SLC25A26: variants seen among roughly 807,000 people sequenced by gnomAD.
The protein encoded by SLC25A26 is mitochondrial S-adenosylmethionine carrier protein.
In SLC25A26, 36 loss-of-function variants were observed where a neutral mutation model predicts 37.8. The observed-to-expected ratio is 0.95, with a 90% CI of 0.73 to 1.26. SLC25A26 has a LOEUF of 1.26. Ranked by LOEUF, SLC25A26 falls within the 50% of genes most tolerant of loss-of-function variation. The probability of loss-of-function intolerance (pLI) is 0.00; values close to 1 mark genes in which losing one functional copy is unlikely to be tolerated. For synonymous variants in SLC25A26, 129 were observed against 122.5 expected (o/e 1.05, Z -0.35); for missense variants, 390 against 331.1 (o/e 1.18, Z -1.38).
intron 1 of SLC25A26, among the ~76,000 whole-genome samples, chr3:66,137,818 A>T (rs923180917): frequency 6.6e-6 from 1 of 152,070 alleles, no homozygotes; most frequent in African/African-American, 2.4e-5. Context: ...TAGTATAGTC[A>T]CATGAACATT....
chr3:66,229,779 A>G (rs1189826534), intron 1 of SLC25A26, among the ~76,000 whole-genome samples: 1 of 152,190 alleles, frequency 6.6e-6, no homozygotes, highest in East Asian at 1.9e-4. Flanking sequence ...GCAATACTTA[A>G]TTTGAAAGAA....
chr3:66,295,391 T>G (rs533534878), intron 5 of SLC25A26, among the ~76,000 whole-genome samples: 2 of 150,472 alleles, frequency 1.3e-5, no homozygotes, highest in Non-Finnish European at 3.0e-5. Flanking sequence ...ACCTGTCTAA[T>G]TTTTTGTATT....
At chr3:66,157,593 C>T (rs1264912776) in intron 1 of SLC25A26, among the ~76,000 whole-genome samples, 1 of 152,212 alleles carries the variant, frequency 6.6e-6, no homozygotes, top group Admixed American at 6.5e-5. Flanking sequence ...CAAATCTAGA[C>T]ATTTCAGCTC....
intron 5 of SLC25A26, among the ~76,000 whole-genome samples, chr3:66,316,865 T>G (rs2107624865): frequency 6.6e-6 from 1 of 152,344 alleles, no homozygotes; most frequent in Admixed American, 6.5e-5. Context: ...ATTCAAGTTC[T>G]GATATCTTCT....
chr3:66,206,581 G>A (rs1181617904), intron 1 of SLC25A26, among the ~76,000 whole-genome samples: 1 of 152,116 alleles, frequency 6.6e-6, no homozygotes, highest in Non-Finnish European at 1.5e-5. Context: ...CTCTTTTGAA[G>A]GGTAGGTATT....
chr3:66,338,066 G>A (rs1222960165), intron 5 of SLC25A26, among the ~76,000 whole-genome samples: 1 of 151,848 alleles, frequency 6.6e-6, no homozygotes, highest in Non-Finnish European at 1.5e-5. Context: ...GGTTATTTTT[G>A]CCTTTTCTGG....
At chr3:66,152,491 C>T (rs1576598456) in intron 1 of SLC25A26, among the ~76,000 whole-genome samples, 1 of 152,180 alleles carries the variant, frequency 6.6e-6, no homozygotes, top group Non-Finnish European at 1.5e-5. Flanking sequence ...CTCTGTGATT[C>T]TCTTGGTGCT....
At chr3:66,154,695 C>T (rs1207813327) in intron 1 of SLC25A26, among the ~76,000 whole-genome samples, 1 of 151,998 alleles carries the variant, frequency 6.6e-6, no homozygotes. Context: ...GTTGCCCAGG[C>T]TCATCTCAAA....
chr3:66,257,760 TC>T (rs778549977), intron 3 of SLC25A26, among the ~76,000 whole-genome samples: 11 of 152,102 alleles, frequency 7.2e-5, no homozygotes, highest in Non-Finnish European at 1.2e-4. Context: ...TCTGAATCCA[TC>T]TCCTAACACC....
chr3:66,168,832 G>T (rs914603454), intron 1 of SLC25A26, among the ~76,000 whole-genome samples: 2 of 152,138 alleles, frequency 1.3e-5, no homozygotes, highest in South Asian at 4.1e-4. Context: ...TTTGATAATT[G>T]AAAAAATGGC....
At chr3:66,354,444 T>C (rs1294416354) in intron 6 of SLC25A26, among the ~76,000 whole-genome samples, 1 of 152,210 alleles carries the variant, frequency 6.6e-6, no homozygotes, top group African/African-American at 2.4e-5. Context: ...TTCACTTATA[T>C]CAATAGTTCA....
intron 1 of SLC25A26, among the ~76,000 whole-genome samples, chr3:66,175,633 G>A (rs2070574168): frequency 6.6e-6 from 1 of 152,226 alleles, no homozygotes; most frequent in Non-Finnish European, 1.5e-5. Context: ...AATGTTGTAA[G>A]TTGTAGTCTG....
intron 9 of SLC25A26, chr3:66,371,088 A>G (rs1277359038): frequency 4.3e-6 from 6 of 1,381,652 alleles, no homozygotes; most frequent in Non-Finnish European, 5.6e-6. Context: ...TTCTAGCTTC[A>G]TGTCCTAAAA....
intron 1 of SLC25A26, among the ~76,000 whole-genome samples, chr3:66,199,113 C>A (rs1292547123): frequency 6.6e-6 from 1 of 151,958 alleles, no homozygotes; most frequent in Non-Finnish European, 1.5e-5. Flanking sequence ...GTCACCCTGA[C>A]ACTGTCTCTC....
intron 1 of SLC25A26, among the ~76,000 whole-genome samples, chr3:66,141,484 T>C (rs1046677623): frequency 7.9e-5 from 12 of 151,604 alleles, no homozygotes; most frequent in African/African-American, 2.7e-4. Context: ...CTGTGTCATC[T>C]TGATGAAAGC....
intron 3 of SLC25A26, among the ~76,000 whole-genome samples, chr3:66,258,024 G>A (rs1384823582): frequency 6.6e-6 from 1 of 152,102 alleles, no homozygotes; most frequent in African/African-American, 2.4e-5. Context: ...GCTAACTTAT[G>A]GAATGAAGAA....
chr3:66,301,325 T>C (rs1030686951), intron 5 of SLC25A26, among the ~76,000 whole-genome samples: 3 of 152,210 alleles, frequency 2.0e-5, no homozygotes, highest in Non-Finnish European at 4.4e-5. Flanking sequence ...ACAGACTTTT[T>C]AAGGAATTTA....
chr3:66,198,966 C>T (rs2071079161), intron 1 of SLC25A26, among the ~76,000 whole-genome samples: 1 of 151,976 alleles, frequency 6.6e-6, no homozygotes. Flanking sequence ...CACTGACCCT[C>T]CATGTGACCC....
intron 5 of SLC25A26, among the ~76,000 whole-genome samples, chr3:66,291,652 C>T (rs539904459): frequency 3.3e-5 from 5 of 152,134 alleles, no homozygotes; most frequent in Non-Finnish European, 5.9e-5. Context: ...AATTTGATTG[C>T]ACTGTGATCT....
Sources: gnomAD v4.1 joint callset for allele counts (sites outside exome capture counted in the v4.1 genomes callset) on GRCh38, gnomAD v4.1.1 for gene constraint, MANE v1.5 for transcripts, NCBI Gene and HGNC (gene_info 2026-07-23, HGNC 2026-07-21) for gene names.